Variants in HYCC2 observed in about 807,000 individuals in gnomAD.
HYCC2 encodes hyccin PI4KA lipid kinase complex subunit 2, also known as hyccin 2.
At chr2:201,018,895 T>C in the HYCC2 span, among the ~76,000 whole-genome samples, 3 of 152,142 alleles carry the variant, frequency 2.0e-5, no homozygotes, top group Non-Finnish European at 4.4e-5. Context: ...TTGTCAAAGG[T>C]TGGTGAAGTT....
chr2:201,039,804 C>T, the HYCC2 span, among the ~76,000 whole-genome samples: 1 of 151,946 alleles, frequency 6.6e-6, no homozygotes, highest in South Asian at 2.1e-4. Flanking sequence ...CTTGGCTGGT[C>T]GCTGAAAAGT....
chr2:201,021,892 A>C, the HYCC2 span: 1 of 382,954 alleles, frequency 2.6e-6, no homozygotes, highest in East Asian at 7.2e-5. Context: ...GAGAAAAAGC[A>C]AATGAATCCT....
the HYCC2 span, chr2:200,976,089 A>C: frequency 6.6e-6 from 1 of 152,266 alleles, no homozygotes; most frequent in Admixed American, 6.5e-5. Flanking sequence ...ATTGGTTTTC[A>C]AACAACTTGT....
the HYCC2 span, among the ~76,000 whole-genome samples, chr2:201,005,977 G>T: frequency 2.0e-5 from 3 of 152,062 alleles, no homozygotes; most frequent in Non-Finnish European, 2.9e-5. Flanking sequence ...GGGATTACAG[G>T]CATGCGCCAC....
the HYCC2 span, among the ~76,000 whole-genome samples, chr2:201,030,325 T>C: frequency 2.0e-5 from 3 of 152,008 alleles, no homozygotes; most frequent in Non-Finnish European, 4.4e-5. Flanking sequence ...TAGTTGATAA[T>C]AAATTTTGAA....
chr2:200,987,009 C>T, the HYCC2 span, among the ~76,000 whole-genome samples: 1 of 152,130 alleles, frequency 6.6e-6, no homozygotes. Flanking sequence ...GGCTCATGTC[C>T]ACTGGGTGCA....
chr2:201,056,151 G>A, the HYCC2 span, among the ~76,000 whole-genome samples: 57 of 151,584 alleles, frequency 3.8e-4, no homozygotes, highest in Non-Finnish European at 3.5e-4. Flanking sequence ...CCGAGATGGC[G>A]CCACTGCACT....
chr2:201,027,598 T>C, the HYCC2 span, among the ~76,000 whole-genome samples: 1 of 151,618 alleles, frequency 6.6e-6, no homozygotes, highest in East Asian at 1.9e-4. Flanking sequence ...CAGCAGCACA[T>C]CAAAAAGCTT....
At chr2:201,010,917 C>T in the HYCC2 span, among the ~76,000 whole-genome samples, 1,095 of 151,906 alleles carry the variant, frequency 7.2e-3, 8 homozygotes, top group African/African-American at 0.025. Flanking sequence ...GAGGCCTAGG[C>T]GGGCGGATCA....
At chr2:201,046,928 T>TA in the HYCC2 span, among the ~76,000 whole-genome samples, 7 of 151,766 alleles carry the variant, frequency 4.6e-5, no homozygotes, top group African/African-American at 1.5e-4. Context: ...TACAAAGGGA[T>TA]AAAAAAAGTG....
the HYCC2 span, among the ~76,000 whole-genome samples, chr2:201,031,742 C>T: frequency 2.0e-5 from 3 of 152,172 alleles, no homozygotes; most frequent in African/African-American, 7.2e-5. Context: ...ACTCTTTAAA[C>T]AATCTGGAGG....
chr2:201,067,243 GAA>G, the HYCC2 span: 6 of 155,588 alleles, frequency 3.9e-5, no homozygotes, highest in South Asian at 1.6e-4. Context: ...CTTCTCACCA[GAA>G]AAAAAAAAAG....
At chr2:201,043,199 T>C in the HYCC2 span, among the ~76,000 whole-genome samples, 1 of 152,084 alleles carries the variant, frequency 6.6e-6, no homozygotes, top group East Asian at 1.9e-4. Flanking sequence ...GCGGTGCAAG[T>C]TGTGCTTTGT....
At chr2:201,039,959 G>A in the HYCC2 span, among the ~76,000 whole-genome samples, 3 of 152,140 alleles carry the variant, frequency 2.0e-5, no homozygotes, top group Non-Finnish European at 2.9e-5. Flanking sequence ...CAGATCACAA[G>A]GTCAGGAGAT....
At chr2:200,988,674 C>T in the HYCC2 span, among the ~76,000 whole-genome samples, 1 of 152,116 alleles carries the variant, frequency 6.6e-6, no homozygotes, top group Non-Finnish European at 1.5e-5. Context: ...AAAGAATTAA[C>T]ATATAAACTC....
At chr2:201,036,739 C>T in the HYCC2 span, among the ~76,000 whole-genome samples, 1 of 152,128 alleles carries the variant, frequency 6.6e-6, no homozygotes, top group African/African-American at 2.4e-5. Flanking sequence ...ACTGATGGAA[C>T]ATATCTCAAA....
At chr2:200,980,990 T>C in the HYCC2 span, 2 of 462,594 alleles carry the variant, frequency 4.3e-6, no homozygotes, top group South Asian at 4.5e-5. Context: ...CTACGATGGA[T>C]TGCACATCAC....
At chr2:201,039,971 G>A in the HYCC2 span, among the ~76,000 whole-genome samples, 11 of 152,060 alleles carry the variant, frequency 7.2e-5, no homozygotes, top group African/African-American at 2.4e-4. Flanking sequence ...TCAGGAGATC[G>A]AGACCATCCT....
At chr2:200,977,389 G>A in the HYCC2 span, 1 of 152,156 alleles carries the variant, frequency 6.6e-6, no homozygotes, top group Non-Finnish European at 1.5e-5. Flanking sequence ...GAGGGAGTGG[G>A]AGACTAGCTA....
Sources: gnomAD v4.1 joint callset for allele counts (sites outside exome capture counted in the v4.1 genomes callset) on GRCh38, gnomAD v4.1.1 for gene constraint, MANE v1.5 for transcripts, NCBI Gene and HGNC (gene_info 2026-07-23, HGNC 2026-07-21) for gene names.